Variants in ZNRF3 observed in about 807,000 individuals in gnomAD.
ZNRF3 encodes zinc and ring finger 3, also known as E3 ubiquitin-protein ligase ZNRF3.
ZNRF3 carries 23 observed loss-of-function variants against 72.5 expected under a neutral mutation model. That is an observed-to-expected ratio of 0.32 (90% confidence interval 0.23 to 0.45). The LOEUF is 0.45. Among genes scored for constraint, ZNRF3 ranks in the 20% least tolerant of loss-of-function variants. The probability of loss-of-function intolerance (pLI) is 1.00; values close to 1 mark genes in which losing one functional copy is unlikely to be tolerated. For missense variants in ZNRF3, 1,169 were observed against 1,272.1 expected (o/e 0.92, Z 1.23); for synonymous variants, 610 against 545.3 (o/e 1.12, Z -1.65).
In ZNRF3 at chr22:28,906,282, GC is replaced by G. The variant is rs2034206404; in HGVS notation, c.300+22217del. Among the ~76,000 whole-genome samples, 2 of 152,220 alleles carry G rather than the reference GC, an allele frequency of 1.3e-5. 1 individual carries two copies. Among genetic ancestry groups the G allele is most frequent in the South Asian group, 4.1e-4 (2 of 4,834 alleles). On this transcript the variant is annotated intron_variant, in intron 1 of 8. Transcript: ENST00000544604. ...GCAGAGGCTGCAGTGAGCTGAGATG[GC>G]ACCATTGCACTCCAGCCTAGGTGAC...
At chr22:28,947,344 T>A (rs1404523504) in intron 1 of ZNRF3, among the ~76,000 whole-genome samples, 1 of 152,230 alleles carries the variant, frequency 6.6e-6, no homozygotes, top group Admixed American at 6.5e-5. Context: ...CTTATGGACA[T>A]GTTTTCATTT....
rs144992524 is a variant in ZNRF3 at position 28,987,902 on chromosome 22, A to G, written c.426+701A>G. 2.7e-3 allele frequency among the ~76,000 whole-genome samples: 407 copies of G among 152,308 alleles called. 5 individuals carry two copies. The highest frequency in any genetic ancestry group is 9.4e-3 in the African/African-American group (389 of 41,544). On this transcript the variant is annotated intron_variant, in intron 2 of 8. Transcript: ENST00000544604. ...GTGGTTAGGAGGTGAGATGAGATGC[A>G]AACGCCTCACACAAGAGTAAGCCCT...
intron 1 of ZNRF3, among the ~76,000 whole-genome samples, chr22:28,952,302 A>T (rs541172120): frequency 1.3e-5 from 2 of 152,218 alleles, no homozygotes; most frequent in East Asian, 3.8e-4. Flanking sequence ...GTGGAACGCT[A>T]TGGAAATGCT....
At position 29,050,452 on chromosome 22, in the gene ZNRF3, C is replaced by G; in HGVS notation, c.2271C>G (p.Gly757=). Residue 757 remains glycine, a synonymous_variant, in exon 8 of 9, where the codon GGC becomes GGG. Transcript: ENST00000544604. The stretch of plus-strand genomic sequence containing the variant: ...AGCCCCAGTCAGGAAGCTCCCAGGG[C>G]TTGTACGGCCTTCACCCCGACCATT... ...GGEPQSGSSQ[G]LYGLHPDHLP... 1.2e-6 allele frequency: 2 copies of G among 1,611,836 alleles called. No homozygotes were observed. The highest frequency in any genetic ancestry group is 1.1e-5 in the South Asian group (1 of 91,062).
chr22:28,897,977 C>G (rs1463409806), intron 1 of ZNRF3, among the ~76,000 whole-genome samples: 1 of 152,152 alleles, frequency 6.6e-6, no homozygotes, highest in Non-Finnish European at 1.5e-5. Context: ...GGGTCTCACT[C>G]TGTCACCCAG....
intron 1 of ZNRF3, among the ~76,000 whole-genome samples, chr22:28,933,748 A>C (rs865897006): frequency 1.6e-3 from 9 of 5,712 alleles, no homozygotes; most frequent in Admixed American, 2.9e-3. Context: ...ACACACACAC[A>C]CTCACTCTCT....
intron 1 of ZNRF3, among the ~76,000 whole-genome samples, chr22:28,933,716 C>A (rs2034757885): frequency 1.5e-5 from 1 of 65,330 alleles, no homozygotes; most frequent in Non-Finnish European, 3.0e-5. Flanking sequence ...ACCCCCACCC[C>A]CACCCCACCC....
At chr22:28,922,127 T>C (rs770211503) in intron 1 of ZNRF3, among the ~76,000 whole-genome samples, 35 of 152,238 alleles carry the variant, frequency 2.3e-4, no homozygotes, top group Non-Finnish European at 2.6e-4. Flanking sequence ...TAAGTACTTA[T>C]GTGTGGAATT....
In ZNRF3 at chr22:29,050,268, A is replaced by G. The variant is rs1414573566; in HGVS notation, c.2087A>G (p.Asp696Gly). Residue 696 changes from aspartate (D) to glycine (G), a missense_variant, in exon 8 of 9, where the codon GAC becomes GGC. By Grantham distance (94) the Asp-to-Gly change is moderately conservative. This residue lies in a region of ZNRF3 where 783 missense variants were observed against 731.4 expected (regional missense o/e 1.07). Coordinates refer to ENST00000544604, the MANE Select transcript of ZNRF3 (RefSeq NM_001206998.2). Reference protein sequence around the residue: ...GLEASPGAAPDLRRTWKGGHE... With the variant: ...GLEASPGAAPGLRRTWKGGHE... ...GAGGCTTCTCCTGGGGCCGCCCCTG[A>G]CCTCAGGAGGACCTGGAAGGGGGGC... 2 of 1,597,838 alleles carry G rather than the reference A, an allele frequency of 1.3e-6. No homozygotes were observed. The highest frequency in any genetic ancestry group is 2.2e-5 in the East Asian group (1 of 44,818).
At chr22:29,027,078 C>T (rs1410060779) in intron 2 of ZNRF3, 1 of 152,140 alleles carries the variant, frequency 6.6e-6, no homozygotes. Flanking sequence ...CCATCTCTCC[C>T]TCTCTTACCT....
At position 29,048,209 on chromosome 22, in the gene ZNRF3, C is replaced by T. The variant is rs1472654747; in HGVS notation, c.913-180C>T. On this transcript the variant is annotated intron_variant, in intron 6 of 8. Transcript: ENST00000544604. This position sits in a 1 kb window ranked among gnomAD's most constrained non-coding sequence, Gnocchi z 4.9. ...GGGGCTGACTGCTGGCAGTTTCCTT[C>T]TTCCTAGAACACATGGGTGGGCCCT... Among the ~76,000 whole-genome samples the T allele has an allele frequency of 6.6e-6, 1 of 152,174 alleles. No homozygotes were observed. The highest frequency in any genetic ancestry group is 1.5e-5 in the Non-Finnish European group (1 of 68,012).
At chr22:28,932,532 G>A (rs2034725230) in intron 1 of ZNRF3, among the ~76,000 whole-genome samples, 1 of 152,122 alleles carries the variant, frequency 6.6e-6, no homozygotes, top group Admixed American at 6.6e-5. Context: ...GCAACATTGG[G>A]TCTTTGTGCG....
chr22:28,912,858 G>T (rs1026027663), intron 1 of ZNRF3, among the ~76,000 whole-genome samples: 7 of 151,994 alleles, frequency 4.6e-5, no homozygotes, highest in Admixed American at 2.0e-4. Context: ...TAGAGATGGG[G>T]TGTCACCATG....
chr22:28,987,236 G>A, intron 2 of ZNRF3, 35 bp downstream of exon 2: 2 of 1,589,070 alleles, frequency 1.3e-6, no homozygotes, highest in Non-Finnish European at 1.7e-6. Context: ...CTGTGTTTCT[G>A]GTTGGTGTTT....
At chr22:28,909,747 ATTTT>A (rs11432409) in intron 1 of ZNRF3, among the ~76,000 whole-genome samples, 2 of 113,886 alleles carry the variant, frequency 1.8e-5, no homozygotes, top group Non-Finnish European at 3.5e-5. Context: ...TGCCTGGCTA[ATTTT>A]TTTTTTTTTT....
chr22:28,918,537 CGTGTGTGTGTGTGTGTGTGTGT>C (rs56876101), intron 1 of ZNRF3, among the ~76,000 whole-genome samples: 5 of 148,744 alleles, frequency 3.4e-5, no homozygotes, highest in East Asian at 2.0e-4. Context: ...TGCATGTGTG[CGTGTGTGTGTGTGTGTGTGTGT>C]GTGTGTGTGT....
Position 28,946,557 on chromosome 22 carries a change from C to T in ZNRF3, c.301-40519C>T, listed in dbSNP as rs527602081. Among the ~76,000 whole-genome samples the T allele has an allele frequency of 2.6e-5, 4 of 152,282 alleles. No individual in the cohort carries two copies. In the East Asian group the frequency reaches 7.7e-4, roughly 29 times the overall value. On this transcript the variant is annotated intron_variant, in intron 1 of 8. Transcript: ENST00000544604. ...TTATGAGAAAGTCCAGGTAGACCGT[C>T]CATTTACTAAATACGGACGAATGGC...
intron 2 of ZNRF3, among the ~76,000 whole-genome samples, chr22:29,015,626 C>T (rs567416707): frequency 2.7e-5 from 4 of 149,522 alleles, no homozygotes; most frequent in African/African-American, 9.9e-5. Context: ...GCTGAGACTG[C>T]ACCACTGCAC....
chr22:29,009,834 A>G (rs1166911390), intron 2 of ZNRF3, among the ~76,000 whole-genome samples: 1 of 151,780 alleles, frequency 6.6e-6, no homozygotes, highest in Non-Finnish European at 1.5e-5. Flanking sequence ...GTACGAGTTC[A>G]GTGGCATTAA....
Sources: gnomAD v4.1 joint callset for allele counts (sites outside exome capture counted in the v4.1 genomes callset) on GRCh38, gnomAD v4.1.1 for gene constraint, gnomAD v4.1.1 regional missense constraint, Gnocchi (gnomAD v3.1) non-coding constraint, MANE v1.5 for transcripts, NCBI Gene and HGNC (gene_info 2026-07-23, HGNC 2026-07-21) for gene names.